Variants in ASIC2 observed in about 807,000 individuals in gnomAD.
ASIC2 encodes the protein acid-sensing ion channel 2.
ASIC2 carries 25 observed loss-of-function variants against 57.3 expected under a neutral mutation model. The observed-to-expected ratio is 0.44, with a 90% confidence interval of 0.32 to 0.61. The LOEUF is 0.61. ASIC2 is among the 20% of genes least tolerant of loss of function. ASIC2 has a pLI of 0.06. For missense variants in ASIC2, 641 were observed against 738.1 expected, an observed-to-expected ratio of 0.87 and a Z score of 1.52; for synonymous variants, 319 against 307.5, an observed-to-expected ratio of 1.04 and a Z score of -0.39.
chr17:34,066,572 C>T (rs1467286084), intron 1 of ASIC2, among the ~76,000 whole-genome samples: 1 of 152,180 alleles, frequency 6.6e-6, no homozygotes, highest in Non-Finnish European at 1.5e-5. Context: ...ACATGGCCTG[C>T]AAAGACATTC....
At chr17:33,029,131 T>C (rs1342257201) in intron 3 of ASIC2, among the ~76,000 whole-genome samples, 1 of 152,186 alleles carries the variant, frequency 6.6e-6, no homozygotes, top group Non-Finnish European at 1.5e-5. Context: ...TTTTTCAAGA[T>C]TAAAGAATAA....
chr17:33,049,207 G>A (rs1053918053), intron 3 of ASIC2, among the ~76,000 whole-genome samples: 1 of 152,124 alleles, frequency 6.6e-6, no homozygotes, highest in Admixed American at 6.5e-5. Flanking sequence ...GGAGAGTGTC[G>A]GCACAATGGA....
intron 1 of ASIC2, among the ~76,000 whole-genome samples, chr17:33,238,893 A>G (rs1908396391): frequency 6.6e-6 from 1 of 152,100 alleles, no homozygotes; most frequent in Admixed American, 6.5e-5. Context: ...AATCTTAGCT[A>G]CTCAGGAGGC....
chr17:33,016,605 C>A (rs2091807039), intron 8 of ASIC2, among the ~76,000 whole-genome samples: 1 of 152,058 alleles, frequency 6.6e-6, no homozygotes, highest in Admixed American at 6.5e-5. Context: ...GCCATGGGAA[C>A]TGATGTGGTT....
At chr17:34,050,206 C>A (rs1394234896) in intron 1 of ASIC2, among the ~76,000 whole-genome samples, 1 of 152,156 alleles carries the variant, frequency 6.6e-6, no homozygotes, top group Non-Finnish European at 1.5e-5. Context: ...TCTCATGAGA[C>A]AAGAGTTTAT....
intron 1 of ASIC2, among the ~76,000 whole-genome samples, chr17:34,115,984 G>A (rs1911413895): frequency 6.6e-6 from 1 of 152,224 alleles, no homozygotes; most frequent in Non-Finnish European, 1.5e-5. Context: ...CACAAACCCA[G>A]AGAAGGGCAG....
At chr17:33,994,515 T>G (rs894236352) in intron 1 of ASIC2, among the ~76,000 whole-genome samples, 1 of 152,200 alleles carries the variant, frequency 6.6e-6, no homozygotes, top group African/African-American at 2.4e-5. Flanking sequence ...ATTGCCTCTT[T>G]CCCTAAGTGA....
At chr17:33,093,027 T>G (rs918959243) in intron 2 of ASIC2, among the ~76,000 whole-genome samples, 1 of 152,164 alleles carries the variant, frequency 6.6e-6, no homozygotes, top group African/African-American at 2.4e-5. Flanking sequence ...CCTGCTGGCA[T>G]GCAGGTGGGG....
At chr17:33,182,297 C>T (rs1906018048) in intron 1 of ASIC2, among the ~76,000 whole-genome samples, 1 of 152,080 alleles carries the variant, frequency 6.6e-6, no homozygotes, top group Admixed American at 6.5e-5. Context: ...AATTTTTGAC[C>T]TGAGCACCTG....
intron 1 of ASIC2, among the ~76,000 whole-genome samples, chr17:33,943,005 A>G (rs1916225198): frequency 6.6e-6 from 1 of 152,222 alleles, no homozygotes; most frequent in African/African-American, 2.4e-5. Context: ...CCGACCTTTT[A>G]TCTTCCAAAC....
intron 1 of ASIC2, among the ~76,000 whole-genome samples, chr17:33,765,858 C>T (rs529892751): frequency 2.0e-5 from 3 of 152,334 alleles, no homozygotes; most frequent in South Asian, 2.1e-4. Context: ...CCGTGGGCTC[C>T]GCTGTACCGC....
intron 1 of ASIC2, among the ~76,000 whole-genome samples, chr17:33,911,956 T>C (rs548673523): frequency 8.8e-5 from 13 of 147,684 alleles, no homozygotes; most frequent in South Asian, 2.2e-4. Flanking sequence ...GCCTGACCAA[T>C]GTGAAGAAAC....
At chr17:33,730,060 G>A (rs1909691787) in intron 1 of ASIC2, among the ~76,000 whole-genome samples, 1 of 152,036 alleles carries the variant, frequency 6.6e-6, no homozygotes, top group Non-Finnish European at 1.5e-5. Context: ...CGGTGCTTTC[G>A]GGTGATCTAA....
intron 1 of ASIC2, among the ~76,000 whole-genome samples, chr17:33,924,798 T>A (rs1237589414): frequency 6.6e-6 from 1 of 152,220 alleles, no homozygotes; most frequent in Non-Finnish European, 1.5e-5. Flanking sequence ...CTTGGGCCAG[T>A]GAGCACCCTG....
At chr17:34,084,289 T>G (rs1396204282) in intron 1 of ASIC2, among the ~76,000 whole-genome samples, 2 of 152,156 alleles carry the variant, frequency 1.3e-5, no homozygotes, top group Non-Finnish European at 2.9e-5. Context: ...CAGCACCATT[T>G]ATTAAATAGG....
In ASIC2 at chr17:34,094,735, G is replaced by C. The variant is rs571437839; in HGVS notation, c.555+61243C>G. ...TCTCCACTGAATCCCCTTTATCTAA[G>C]AGCACATTCAAGGAAATTATGGTGT... is the stretch of plus-strand genomic sequence containing the variant. On this transcript the variant is annotated intron_variant, in intron 1 of 9. Coordinates refer to the ASIC2 transcript ENST00000359872. 1.1e-3 allele frequency among the ~76,000 whole-genome samples: 161 copies of C among 152,222 alleles called. 2 individuals are homozygous for C. The highest frequency in any genetic ancestry group is 3.5e-3 in the African/African-American group (145 of 41,524).
intron 3 of ASIC2, among the ~76,000 whole-genome samples, chr17:33,044,012 G>C (rs1415982298): frequency 6.6e-6 from 1 of 152,196 alleles, no homozygotes; most frequent in Admixed American, 6.5e-5. Flanking sequence ...ATGAGTGGGA[G>C]AGAATGTGAT....
At chr17:34,022,692 T>C (rs1907223724) in intron 1 of ASIC2, among the ~76,000 whole-genome samples, 2 of 149,832 alleles carry the variant, frequency 1.3e-5, no homozygotes. Context: ...ATAAAAGCAA[T>C]TGTGATTTTT....
Position 34,011,035 on chromosome 17 carries a change from A to ACACACACAGATGCCTCCAGT in ASIC2, c.555+144942_555+144943insACTGGAGGCATCTGTGTGTG, listed in dbSNP as rs1906713418. ...ACAGATGCCAAAGTCAGACACATGC[A>ACACACACAGATGCCTCCAGT]CACACACACACACACACACAGACAC... On this transcript the variant is annotated intron_variant, in intron 1 of 9. Coordinates refer to the ASIC2 transcript ENST00000359872. Among the ~76,000 whole-genome samples, 34 of 46,082 alleles carry ACACACACAGATGCCTCCAGT rather than the reference A, an allele frequency of 7.4e-4. 3 individuals are homozygous for ACACACACAGATGCCTCCAGT. Among genetic ancestry groups the ACACACACAGATGCCTCCAGT allele is most frequent in the African/African-American group, 1.6e-3 (12 of 7,546 alleles). The allele number at this position is 46,082 out of a possible 152,430, so 30.2% of individuals were successfully genotyped here.
Sources: allele counts gnomAD v4.1 joint callset (sites outside exome capture counted in the v4.1 genomes callset), GRCh38; gene constraint gnomAD v4.1.1; transcripts MANE v1.5; gene names NCBI Gene and HGNC (gene_info 2026-07-23, HGNC 2026-07-21).